Variants in DACH2 observed in about 807,000 individuals in gnomAD.
DACH2 encodes the protein dachshund family transcription factor 2, also known as dachshund homolog 2.
DACH2 carries 17 observed loss-of-function variants against 35.8 expected under a neutral mutation model. That is an observed-to-expected ratio of 0.48 (90% confidence interval 0.33 to 0.71). The LOEUF is 0.71. Among genes scored for constraint, DACH2 ranks in the 30% least tolerant of loss-of-function variants. The pLI, the probability that DACH2 is intolerant of heterozygous loss-of-function variation, is 0.02. For missense variants in DACH2, 469 were observed against 472.7 expected, an observed-to-expected ratio of 0.99 and a Z score of 0.07; for synonymous variants, 195 against 177.3, an observed-to-expected ratio of 1.10 and a Z score of -0.79.
At chrX:86,723,334 A>ATTTT (rs60142099) in intron 6 of DACH2, among the ~76,000 whole-genome samples, 10 of 96,398 alleles carry the variant, frequency 1.0e-4, no homozygotes, top group Admixed American at 3.4e-4. Flanking sequence ...CCTTCTGCTA[A>ATTTT]TTTTTTTTTT....
chrX:86,244,962 G>T (rs1025131392), intron 1 of DACH2, among the ~76,000 whole-genome samples: 1 of 111,391 alleles, frequency 9.0e-6, no homozygotes, highest in Admixed American at 9.6e-5. Context: ...ATTATATGTA[G>T]ATATGCAGTC....
chrX:86,749,362 G>A (rs182111648), intron 7 of DACH2, among the ~76,000 whole-genome samples: 22 of 111,747 alleles, frequency 2.0e-4, no homozygotes, highest in Middle Eastern at 4.6e-3. Context: ...TCGATTTAAA[G>A]CGAGATACAT....
At chrX:86,290,649 A>C (rs1343493837) in intron 1 of DACH2, among the ~76,000 whole-genome samples, 2 of 107,503 alleles carry the variant, frequency 1.9e-5, no homozygotes, top group Non-Finnish European at 3.8e-5. Context: ...ATGGCTAGCC[A>C]GTTTTCCCAG....
At chrX:86,224,709 C>G (rs759251197) in intron 1 of DACH2, among the ~76,000 whole-genome samples, 13 of 111,377 alleles carry the variant, frequency 1.2e-4, no homozygotes, top group African/African-American at 4.2e-4. Flanking sequence ...GTTCATCATT[C>G]TTTTAATCCT....
intron 2 of DACH2, among the ~76,000 whole-genome samples, chrX:86,404,013 A>G (rs1298734932): frequency 9.1e-6 from 1 of 109,631 alleles, no homozygotes; most frequent in Non-Finnish European, 1.9e-5. Context: ...AGATCTCATG[A>G]AAACTCACTC....
At chrX:86,489,041 A>G (rs1032733082) in intron 2 of DACH2, among the ~76,000 whole-genome samples, 2 of 111,756 alleles carry the variant, frequency 1.8e-5, no homozygotes, top group Non-Finnish European at 3.8e-5. Context: ...ATCCAGCATG[A>G]TACTTTATTC....
chrX:86,734,223 C>A (rs2041569866), intron 6 of DACH2, among the ~76,000 whole-genome samples: 1 of 111,008 alleles, frequency 9.0e-6, no homozygotes. Flanking sequence ...ATAGGTCACA[C>A]AAAGGGTGTG....
intron 3 of DACH2, among the ~76,000 whole-genome samples, chrX:86,609,159 T>C (rs1278854703): frequency 8.9e-6 from 1 of 111,924 alleles, no homozygotes; most frequent in African/African-American, 3.2e-5. Flanking sequence ...TTTCATTTTG[T>C]AAACTATTTT....
At chrX:86,562,150 A>G (rs1365201365) in intron 3 of DACH2, among the ~76,000 whole-genome samples, 9 of 109,978 alleles carry the variant, frequency 8.2e-5, no homozygotes, top group African/African-American at 3.0e-4. Context: ...TTTTCTTTTC[A>G]TGGGGGTGGC....
intron 1 of DACH2, among the ~76,000 whole-genome samples, chrX:86,335,888 T>C (rs1262693703): frequency 8.9e-6 from 1 of 111,789 alleles, no homozygotes; most frequent in Non-Finnish European, 1.9e-5. Context: ...TGTGGGTTTA[T>C]CATGAACAGC....
intron 5 of DACH2, among the ~76,000 whole-genome samples, chrX:86,698,994 G>A (rs936388060): frequency 9.0e-5 from 10 of 111,245 alleles, no homozygotes; most frequent in Non-Finnish European, 1.7e-4. Flanking sequence ...ATTGATAAAA[G>A]GATACATCCA....
intron 7 of DACH2, among the ~76,000 whole-genome samples, chrX:86,788,748 A>C (rs1219597533): frequency 9.0e-6 from 1 of 111,529 alleles, no homozygotes; most frequent in African/African-American, 3.3e-5. Flanking sequence ...AGGAAACGAA[A>C]CCTTATTTAT....
rs1042755234 is a variant in DACH2 at position 86,641,588 on chromosome X, C to T, written c.641-9448C>T. Reference sequence around the variant, plus strand: ...TGCTAGAGAGGCCAACAGTCAAATTCAGCAAATACAGAGAACTTCTGCAAG... The same window carrying T: ...TGCTAGAGAGGCCAACAGTCAAATTTAGCAAATACAGAGAACTTCTGCAAG... On this transcript the variant is annotated intron_variant, in intron 3 of 11. Coordinates refer to ENST00000373125, the MANE Select transcript of DACH2 (RefSeq NM_053281.3). Among the ~76,000 whole-genome samples, 5 of 111,633 alleles carry T rather than the reference C, an allele frequency of 4.5e-5. No homozygotes were observed. The Admixed American group carries it at 4.8e-4, about 11-fold the overall frequency.
intron 2 of DACH2, among the ~76,000 whole-genome samples, chrX:86,467,680 ATAAAGACATACC>A (rs1343981960): frequency 9.0e-6 from 1 of 111,540 alleles, no homozygotes; most frequent in African/African-American, 3.3e-5. Flanking sequence ...CACACTGCTA[ATAAAGACATACC>A]CAAGCCTGAG....
chrX:86,576,563 T>C (rs775327402), intron 3 of DACH2, among the ~76,000 whole-genome samples: 31 of 111,293 alleles, frequency 2.8e-4, no homozygotes, highest in Non-Finnish European at 5.5e-4. Context: ...AAGGGGTTGA[T>C]TTCAAAGCAA....
intron 7 of DACH2, among the ~76,000 whole-genome samples, chrX:86,782,214 T>C (rs1264520093): frequency 8.9e-6 from 1 of 111,766 alleles, no homozygotes; most frequent in Admixed American, 9.5e-5. Context: ...GAAAATGTTC[T>C]ATGTTCATGG....
At chrX:86,160,388 C>T in intron 1 of DACH2, 5 of 639,315 alleles carry the variant, frequency 7.8e-6, no homozygotes, top group South Asian at 7.0e-5. Flanking sequence ...GCTCTCAATA[C>T]ACATGAGGTT....
chrX:86,482,525 G>A (rs2037952388), intron 2 of DACH2, among the ~76,000 whole-genome samples: 1 of 109,587 alleles, frequency 9.1e-6, no homozygotes. Flanking sequence ...ATAGCAGCAT[G>A]ATTTATAGTC....
chrX:86,660,153 C>G (rs2040590388), intron 4 of DACH2, among the ~76,000 whole-genome samples: 1 of 111,459 alleles, frequency 9.0e-6, no homozygotes, highest in Non-Finnish European at 1.9e-5. Context: ...GCTGGGAACT[C>G]TCTTCAGGTG....
Sources: allele counts gnomAD v4.1 joint callset (sites outside exome capture counted in the v4.1 genomes callset), GRCh38; gene constraint gnomAD v4.1.1; transcripts MANE v1.5; gene names NCBI Gene and HGNC (gene_info 2026-07-23, HGNC 2026-07-21).